PPP3CB: variants seen among roughly 807,000 people sequenced by gnomAD.
PPP3CB encodes the protein serine/threonine-protein phosphatase 2B catalytic subunit beta isoform.
A neutral mutation model predicts 66.4 loss-of-function variants in PPP3CB; 8 were observed. The observed-to-expected ratio is 0.12, with a 90% CI of 0.07 to 0.22. PPP3CB has a LOEUF of 0.22. PPP3CB is among the 10% of genes least tolerant of loss of function. The pLI is 1.00. For synonymous variants in PPP3CB, 208 were observed against 221.2 expected (o/e 0.94, Z 0.53); for missense variants, 319 against 642.5 (o/e 0.50, Z 5.44).
rs141215614 is a variant in PPP3CB at position 73,479,217 on chromosome 10, T to C, written c.286+100A>G. ...AATTCAAGATAATGTCCAAGTAATA[T>C]TGATTTAGCATACAGTATCATTGAA... On this transcript the variant is annotated intron_variant, in intron 2 of 13. Coordinates refer to ENST00000360663, the MANE Select transcript of PPP3CB (RefSeq NM_021132.4). 40 of 1,081,142 alleles carry C rather than the reference T, an allele frequency of 3.7e-5. No homozygotes were observed. In the African/African-American group the frequency reaches 3.8e-4, roughly 10 times the overall value. The allele number at this position is 1,081,142 out of a possible 1,614,324, so 67.0% of individuals were successfully genotyped here.
intron 10 of PPP3CB, among the ~76,000 whole-genome samples, chr10:73,451,516 T>C (rs1478602156): frequency 1.3e-5 from 2 of 151,982 alleles, no homozygotes; most frequent in Non-Finnish European, 2.9e-5. Context: ...AATAATTATA[T>C]AGAGCAAGAG....
intron 1 of PPP3CB, among the ~76,000 whole-genome samples, chr10:73,487,185 C>T (rs950621452): frequency 2.6e-4 from 39 of 152,100 alleles, no homozygotes; most frequent in Admixed American, 2.2e-3. Context: ...AACTAGTCAT[C>T]ATAGGCTCAA....
At chr10:73,462,975 A>AAAAAAAAAAAAAAAAAAAAAAAAAT (rs2056551058) in intron 9 of PPP3CB, among the ~76,000 whole-genome samples, 1 of 147,010 alleles carries the variant, frequency 6.8e-6, no homozygotes. Context: ...AAAAAAAAAA[A>AAAAAAAAAAAAAAAAAAAAAAAAAT]AAAGGAAGAA....
intron 11 of PPP3CB, among the ~76,000 whole-genome samples, chr10:73,445,750 T>C (rs1252374854): frequency 1.5e-5 from 2 of 129,686 alleles, no homozygotes; most frequent in Non-Finnish European, 3.3e-5. Flanking sequence ...CTAAGTACCC[T>C]TTTTTTTTTT....
intron 9 of PPP3CB, among the ~76,000 whole-genome samples, chr10:73,459,638 G>A (rs2056488910): frequency 6.6e-6 from 1 of 152,190 alleles, no homozygotes; most frequent in Non-Finnish European, 1.5e-5. Context: ...ATCATAAAAA[G>A]GAATGTTGTA....
intron 9 of PPP3CB, among the ~76,000 whole-genome samples, chr10:73,464,219 C>T (rs1485718273): frequency 8.5e-5 from 13 of 152,132 alleles, no homozygotes; most frequent in Admixed American, 8.5e-4. Context: ...TGAGCCACCA[C>T]GCCTGGCCCC....
intron 9 of PPP3CB, among the ~76,000 whole-genome samples, chr10:73,465,734 C>G (rs1299542136): frequency 2.0e-5 from 3 of 152,166 alleles, no homozygotes; most frequent in African/African-American, 4.8e-5. Flanking sequence ...ACAAATGTCA[C>G]TTGCTGCTTT....
At chr10:73,441,622 T>C (rs1669451624) in intron 12 of PPP3CB, among the ~76,000 whole-genome samples, 1 of 152,198 alleles carries the variant, frequency 6.6e-6, no homozygotes, top group South Asian at 2.1e-4. Context: ...CTTAATAAGT[T>C]TGAGCATAGT....
At chr10:73,465,436 C>G (rs1272787131) in intron 9 of PPP3CB, among the ~76,000 whole-genome samples, 2 of 152,058 alleles carry the variant, frequency 1.3e-5, no homozygotes, top group Non-Finnish European at 2.9e-5. Context: ...GTGGCTCACA[C>G]CTATAATCTC....
intron 1 of PPP3CB, among the ~76,000 whole-genome samples, chr10:73,485,851 CT>C (rs2056962816): frequency 6.6e-6 from 1 of 151,930 alleles, no homozygotes; most frequent in Non-Finnish European, 1.5e-5. Context: ...AGCAATTCTC[CT>C]GCCTCAGCCT....
chr10:73,486,080 G>T (rs979719923), intron 1 of PPP3CB, among the ~76,000 whole-genome samples: 2 of 151,780 alleles, frequency 1.3e-5, no homozygotes, highest in Admixed American at 1.3e-4. Context: ...TGAGCAGCTG[G>T]GATTACAGGC....
At position 73,437,186 on chromosome 10, in the gene PPP3CB, T is replaced by C. The variant is rs1019512996; in HGVS notation, c.*1056A>G. The C allele has an allele frequency of 2.0e-5, 3 of 152,702 alleles. No homozygotes were observed. Among genetic ancestry groups the C allele is most frequent in the African/African-American group, 7.2e-5 (3 of 41,472 alleles). 9.5% of individuals were successfully genotyped at this position (152,702 alleles called of 1,614,324 possible). On this transcript the variant is annotated 3_prime_UTR_variant, in exon 14 of 14. Transcript: ENST00000360663. ...AATGATTGAACAGAACCATTGCTTC[T>C]AGGCTGCATTGCTTAATCAAAAACA...
At chr10:73,440,972 C>G (rs1268021288) in intron 12 of PPP3CB, among the ~76,000 whole-genome samples, 1 of 152,180 alleles carries the variant, frequency 6.6e-6, no homozygotes, top group Admixed American at 6.5e-5. Flanking sequence ...CTCAAGATAG[C>G]ACACAACAAT....
At chr10:73,491,022 GTTTTTTTTTTTTTTTTT>G (rs528238766) in intron 1 of PPP3CB, among the ~76,000 whole-genome samples, 8 of 40,908 alleles carry the variant, frequency 2.0e-4, no homozygotes, top group African/African-American at 5.4e-4. Flanking sequence ...TGTTTTTATT[GTTTTTTTTTTTTTTTTT>G]TTTTTTTTTT....
chr10:73,479,550 C>A, intron 1 of PPP3CB, 33 bp from the exon 2 acceptor site: 1 of 1,581,022 alleles, frequency 6.3e-7, no homozygotes, highest in South Asian at 1.1e-5. Flanking sequence ...AAAGATAAGT[C>A]ACCAAAAATA....
At chr10:73,482,616 CTATT>C (rs1014053227) in intron 1 of PPP3CB, among the ~76,000 whole-genome samples, 21 of 148,742 alleles carry the variant, frequency 1.4e-4, no homozygotes, top group Non-Finnish European at 4.5e-5. Flanking sequence ...TGAATATTTC[CTATT>C]TATTTATTTA....
chr10:73,460,955 C>A (rs964148665), intron 9 of PPP3CB, among the ~76,000 whole-genome samples: 6 of 152,224 alleles, frequency 3.9e-5, no homozygotes, highest in Non-Finnish European at 8.8e-5. Context: ...AGGGAAAATG[C>A]AGGGCTGGAG....
chr10:73,487,564 CAAAAAAA>C (rs746889105), intron 1 of PPP3CB, among the ~76,000 whole-genome samples: 4 of 65,218 alleles, frequency 6.1e-5, no homozygotes, highest in East Asian at 3.9e-4. Flanking sequence ...AAACCAAAAC[CAAAAAAA>C]AAAAAAAAAA....
At chr10:73,467,319 A>G (rs2056633860) in intron 9 of PPP3CB, 1 of 268,992 alleles carries the variant, frequency 3.7e-6, no homozygotes, top group Admixed American at 5.3e-5. Context: ...AGCTGAAGAC[A>G]TTGGGCTATT....
Sources: allele counts gnomAD v4.1 joint callset (sites outside exome capture counted in the v4.1 genomes callset), GRCh38; gene constraint gnomAD v4.1.1; transcripts MANE v1.5; gene names NCBI Gene and HGNC (gene_info 2026-07-23, HGNC 2026-07-21).